Variants in DVL2 observed in about 807,000 individuals in gnomAD.
The protein encoded by DVL2 is segment polarity protein dishevelled homolog DVL-2.
In DVL2, 38 loss-of-function variants were observed where a neutral mutation model predicts 69.8. That is an observed-to-expected ratio of 0.54 (90% confidence interval 0.42 to 0.71). DVL2 has a LOEUF of 0.71. Ranked by LOEUF, DVL2 falls within the 30% of genes least tolerant of loss-of-function variation. The probability of loss-of-function intolerance (pLI) is 0.00; values close to 1 mark genes in which losing one functional copy is unlikely to be tolerated. For missense variants in DVL2, 931 were observed against 1,008.1 expected (o/e 0.92, Z 1.04); for synonymous variants, 428 against 392.4 (o/e 1.09, Z -1.07).
rs2071600129 is a variant in DVL2, at chr17:7,234,294, C to T, written c.-32G>A. 2 of 1,596,414 alleles carry T rather than the reference C, an allele frequency of 1.3e-6. No individual in the cohort carries two copies. The highest frequency in any genetic ancestry group is 2.2e-5 in the East Asian group (1 of 44,802). On this transcript the variant is annotated 5_prime_UTR_variant, in exon 1 of 15. Transcript: ENST00000005340. ...GCCCGCGCGCTCCCGGGCTCCACCGCCCACCCAAAGGGCTAATGGCCCCTG... is the reference window on the plus strand; with the variant it reads ...GCCCGCGCGCTCCCGGGCTCCACCGTCCACCCAAAGGGCTAATGGCCCCTG...
chr17:7,226,052 A>G lies in DVL2; in HGVS notation c.2024T>C (p.Leu675Pro). 6.2e-7 allele frequency: 1 copy of G among 1,606,860 alleles called. No individual in the cohort carries two copies. The highest frequency in any genetic ancestry group is 1.3e-5 in the African/African-American group (1 of 74,774). ...GACCACCATCATGGGGTTGTAGGGG[A>G]GGGCCATGCCAGGGGGCGGTCCATA... is the stretch of plus-strand genomic sequence containing the variant. Reference protein sequence around the residue: ...HPYGPPPGMALPYNPMMVVMM... With the variant: ...HPYGPPPGMAPPYNPMMVVMM... The change falls in exon 15 of 15, where the codon CTC becomes CCC. Residue 675 changes from leucine to proline, a missense_variant. Physicochemically the swap from Leu to Pro is moderately conservative, Grantham distance 98. Transcript: ENST00000005340.
In DVL2 at chr17:7,227,181, T is replaced by C. The variant is rs1437525244; in HGVS notation, c.1452A>G (p.Lys484=). The change falls in exon 13 of 15, where the codon AAA becomes AAG. Residue 484 remains lysine, a synonymous_variant. Transcript: ENST00000005340. The stretch of plus-strand genomic sequence containing the variant: ...TGACGGTGTGTCGGATCAGGCCTGC[T>C]TTGAGCAGCCCGCTGGCATACTTGC... ...EARKYASGLL[K]AGLIRHTVNK... 6.2e-7 allele frequency: 1 copy of C among 1,614,118 alleles called. No individual in the cohort carries two copies. The highest frequency in any genetic ancestry group is 2.2e-5 in the East Asian group (1 of 44,884).
At position 7,226,157 on chromosome 17, in the gene DVL2, G is replaced by A; in HGVS notation, c.1919C>T (p.Thr640Ile). The change falls in exon 15 of 15, where the codon ACT becomes ATT. Residue 640 changes from threonine to isoleucine, a missense_variant. Transcript: ENST00000005340. The part of the protein sequence containing the change: ...SLRRGGEASG[T>I]SDGGPPPSRG... The stretch of plus-strand genomic sequence containing the variant: ...GGATGGAGGAGGGCCCCCATCGCTA[G>A]TCCCACTTGCTTCCCCACCCCGCCG... 6.2e-7 allele frequency: 1 copy of A among 1,610,258 alleles called. No homozygotes were observed. Among genetic ancestry groups the A allele is most frequent in the African/African-American group, 1.3e-5 (1 of 74,954 alleles).
intron 2 of DVL2, 86 bp from the exon 3 acceptor site, chr17:7,230,516 T>C: frequency 6.4e-7 from 1 of 1,556,746 alleles, no homozygotes; most frequent in African/African-American, 1.4e-5. Flanking sequence ...AGAAAGGGTC[T>C]CAGAGAGCTG....
Position 7,227,456 on chromosome 17 carries a change from C to T in DVL2, c.1311G>A (p.Leu437=), listed in dbSNP as rs756864655. The change falls in exon 12 of 15, where the codon CTG becomes CTA. Residue 437 remains leucine (L), a synonymous_variant. Coordinates refer to ENST00000005340, the MANE Select transcript of DVL2 (RefSeq NM_004422.3). ...TGAGCCACATGCGGTCCCGGACTTC[C>T]AGTCCAGACTCTGGAGCTGCCATGG... ...TKAMAAPESG[L]EVRDRMWLKI... is the part of the protein sequence containing the mutation. The T allele has an allele frequency of 1.2e-6, 2 of 1,614,240 alleles. No homozygotes were observed. The highest frequency in any genetic ancestry group is 1.7e-6 in the Non-Finnish European group (2 of 1,180,040).
intron 1 of DVL2, among the ~76,000 whole-genome samples, chr17:7,233,783 G>A (rs968734282): frequency 6.6e-6 from 1 of 152,158 alleles, no homozygotes; most frequent in South Asian, 2.1e-4. Flanking sequence ...AATTTACTCA[G>A]TACAGACTAG....
chr17:7,234,179 C>T lies in DVL2; in HGVS notation c.84G>A (p.Leu28=). Residue 28 remains leucine (L), a synonymous_variant, in exon 1 of 15, where the codon CTG becomes CTA. Transcript: ENST00000005340. The stretch of plus-strand genomic sequence containing the variant: ...GCTCGGCGGGGACAGGGATCTTCAC[C>T]AGGTAGGGAGTCTCTTCCTCATCCA... ...YHLDEEETPY[L]VKIPVPAERI... The T allele has an allele frequency of 3.1e-6, 5 of 1,614,168 alleles. No individual in the cohort carries two copies. Among genetic ancestry groups the T allele is most frequent in the Non-Finnish European group, 4.2e-6 (5 of 1,180,024 alleles).
rs756555005 is a variant in DVL2 at position 7,229,795 on chromosome 17, T to C, written c.656+13A>G. The C allele has an allele frequency of 6.2e-7, 1 of 1,610,132 alleles. No homozygotes were observed. The highest frequency in any genetic ancestry group is 1.1e-5 in the South Asian group (1 of 91,020). On this transcript the variant is annotated intron_variant, in intron 5 of 14. Transcript: ENST00000005340. The surrounding 1 kb of genome is among the most constrained non-coding windows in gnomAD (Gnocchi z 4.4). The stretch of plus-strand genomic sequence containing the variant: ...GGGCTGGGTGCGCTGGGGAGAGCTG[T>C]GCGGAGCCACACCTGCTCATGGTGT...
At chr17:7,228,555 T>C (rs755425172) in intron 9 of DVL2, 24 of 197,520 alleles carry the variant, frequency 1.2e-4, no homozygotes, top group Non-Finnish European at 2.0e-4. Flanking sequence ...TGCATTTGTT[T>C]CATGTACTTT....
intron 1 of DVL2, among the ~76,000 whole-genome samples, chr17:7,233,233 C>A (rs1331906706): frequency 1.3e-5 from 2 of 152,042 alleles, no homozygotes; most frequent in South Asian, 2.1e-4. Context: ...CCTAGGATAG[C>A]CCAATCTATT....
Position 7,227,716 on chromosome 17 carries a change from G to A in DVL2, c.1170C>T (p.Phe390=), listed in dbSNP as rs1406641180. ...VSHSAALTGT[F]PAYPGSSSMS... ...TGGAGGAGGAACCTGGATAGGCTGG[G>A]AAGGTGCCAGTCAGAGCCGCGGAAT... The change falls in exon 11 of 15, where the codon TTC becomes TTT. Residue 390 remains phenylalanine, a synonymous_variant. Coordinates refer to ENST00000005340, the MANE Select transcript of DVL2 (RefSeq NM_004422.3). 1 of 1,611,490 alleles carries A rather than the reference G, an allele frequency of 6.2e-7. No homozygotes were observed. Among genetic ancestry groups the A allele is most frequent in the Non-Finnish European group, 8.5e-7 (1 of 1,178,752 alleles).
Position 7,227,124 on chromosome 17 carries a change from G to GT in DVL2, c.1508dup (p.Tyr503Ter). The change falls in exon 13 of 15, where the codon TAC becomes TAAC. Residue 503 changes from tyrosine (Y) to a stop codon, truncating the protein, a stop_gained and frameshift_variant. Coordinates refer to ENST00000005340, the MANE Select transcript of DVL2 (RefSeq NM_004422.3). LOFTEE classifies it high-confidence loss of function. ...AGCCACCACTGAGGTCTCCGAAGAC[G>GT]TAATAGCACTGCTCAGAGAAGGTGA... ...NKITFSEQCY[Y>*]VFGDLSGGCE... is the part of the protein sequence containing the mutation. The GT allele has an allele frequency of 6.2e-7, 1 of 1,613,870 alleles. No homozygotes were observed. Among genetic ancestry groups the GT allele is most frequent in the Non-Finnish European group, 8.5e-7 (1 of 1,179,864 alleles).
In DVL2 at chr17:7,227,874, C is replaced by A. The variant is rs77412278; in HGVS notation, c.1103-91G>T. 3.0e-4 allele frequency: 461 copies of A among 1,557,154 alleles called. 1 individual carries two copies. The East Asian group carries it at 0.011, about 37-fold the overall frequency. On this transcript the variant is annotated intron_variant, in intron 10 of 14. Coordinates refer to ENST00000005340, the MANE Select transcript of DVL2 (RefSeq NM_004422.3). The stretch of plus-strand genomic sequence containing the variant: ...GACTCAGCCTCCTGTTCCACCTCTG[C>A]CTGGACCCTCCTCCCACCCATTCCC...
intron 1 of DVL2, 160 bp downstream of exon 1, chr17:7,233,909 T>G (rs1236676008): frequency 1.3e-6 from 1 of 757,832 alleles, no homozygotes; most frequent in African/African-American, 1.7e-5. Context: ...AAGCATAACC[T>G]TGTCCATCCT....
chr17:7,234,285 G>A lies in DVL2; in HGVS notation c.-23C>T, dbSNP rs755839195. On this transcript the variant is annotated 5_prime_UTR_variant, in exon 1 of 15. Coordinates refer to ENST00000005340, the MANE Select transcript of DVL2 (RefSeq NM_004422.3). ...CATGGTCTCGCCCGCGCGCTCCCGG[G>A]CTCCACCGCCCACCCAAAGGGCTAA... 1.4e-5 allele frequency: 22 copies of A among 1,600,422 alleles called. No homozygotes were observed. Among genetic ancestry groups the A allele is most frequent in the African/African-American group, 4.0e-5 (3 of 74,600 alleles).
chr17:7,229,152 C>A lies in DVL2; in HGVS notation c.940G>T (p.Gly314Trp). 6.2e-7 allele frequency: 1 copy of A among 1,614,166 alleles called. No homozygotes were observed. Among genetic ancestry groups the A allele is most frequent in the African/African-American group, 1.3e-5 (1 of 75,054 alleles). Reference protein sequence around the residue: ...AVAADGRIEPGDMLLQVNDMN... With the variant: ...AVAADGRIEPWDMLLQVNDMN... ...CAGCACACCTGCAAAAGCATGTCCC[C>A]TGGCTCAATGCGCCCGTCGGCCGCC... Residue 314 changes from glycine (G) to tryptophan (W), a missense_variant, in exon 8 of 15, where the codon GGG becomes TGG. Gly to Trp is a radical substitution (Grantham distance 184, BLOSUM62 -2). Coordinates refer to ENST00000005340, the MANE Select transcript of DVL2 (RefSeq NM_004422.3). The surrounding 1 kb of genome is among the most constrained non-coding windows in gnomAD (Gnocchi z 4.4).
chr17:7,228,320 G>A (rs1380102944), intron 9 of DVL2: 1 of 292,542 alleles, frequency 3.4e-6, no homozygotes, highest in African/African-American at 2.2e-5. Context: ...AAACTGCAGT[G>A]TTCAAGGATA....
chr17:7,229,787 G>A lies in DVL2; in HGVS notation c.656+21C>T. The A allele has an allele frequency of 1.9e-6, 3 of 1,604,948 alleles. No individual in the cohort carries two copies. The highest frequency in any genetic ancestry group is 2.2e-5 in the South Asian group (2 of 90,888). The stretch of plus-strand genomic sequence containing the variant: ...ACGAGACGGGGCTGGGTGCGCTGGG[G>A]AGAGCTGTGCGGAGCCACACCTGCT... On this transcript the variant is annotated intron_variant, in intron 5 of 14. Transcript: ENST00000005340. This position sits in a 1 kb window ranked among gnomAD's most constrained non-coding sequence, Gnocchi z 4.4.
Position 7,227,602 on chromosome 17 carries a change from C to A in DVL2, c.1231+53G>T, listed in dbSNP as rs1338252538. 8 of 1,613,986 alleles carry A rather than the reference C, an allele frequency of 5.0e-6. No homozygotes were observed. In the East Asian group the frequency reaches 1.3e-4, roughly 27 times the overall value. On this transcript the variant is annotated intron_variant, in intron 11 of 14. Coordinates refer to ENST00000005340, the MANE Select transcript of DVL2 (RefSeq NM_004422.3). ...CCCACAAGGGCAATGGATCAGACCA[C>A]TGCGGGACAGCCTTCTGCTGGGAGG...
Sources: allele counts gnomAD v4.1 joint callset (sites outside exome capture counted in the v4.1 genomes callset), GRCh38; gene constraint gnomAD v4.1.1; non-coding constraint Gnocchi (gnomAD v3.1); transcripts MANE v1.5; gene names NCBI Gene and HGNC (gene_info 2026-07-23, HGNC 2026-07-21).